The following CHD5 variants were observed in gnomAD, a reference collection of about 807,000 sequenced individuals.
CHD5 encodes the protein ATP-dependent chromatin remodeler CHD5.
In CHD5, 69 loss-of-function variants were observed where a neutral mutation model predicts 230.3. The ratio of observed to expected loss-of-function variants is 0.30; its 90% CI spans 0.25 to 0.37. CHD5 has a LOEUF of 0.37. CHD5 is among the 10% of genes least tolerant of loss of function. The pLI is 1.00. For missense variants in CHD5, 1,827 were observed against 2,622.8 expected (o/e 0.70, Z 6.63); for synonymous variants, 1,064 against 1,065.9 (o/e 1.00, Z 0.03).
chr1:6,108,367 G>C (rs111064359), intron 38 of CHD5, among the ~76,000 whole-genome samples: 2 of 146,758 alleles, frequency 1.4e-5, no homozygotes, highest in African/African-American at 2.5e-5. Context: ...AGGGATGGAG[G>C]AATGGAAGGA....
At chr1:6,150,381 GAT>G (rs1666984568) in intron 7 of CHD5, among the ~76,000 whole-genome samples, 3 of 147,542 alleles carry the variant, frequency 2.0e-5, no homozygotes, top group Admixed American at 6.7e-5. Flanking sequence ...TGGATGGATG[GAT>G]GGATGGATGG....
chr1:6,148,493 C>T (rs918105895), intron 9 of CHD5, among the ~76,000 whole-genome samples: 1 of 152,200 alleles, frequency 6.6e-6, no homozygotes, highest in Non-Finnish European at 1.5e-5. Context: ...AAGGGAGTAA[C>T]ATGCCTGGTG....
rs1308960446 is a variant in CHD5 at position 6,148,841 on chromosome 1, G to A, written c.1383+13C>T. On this transcript the variant is annotated intron_variant, in intron 9 of 41. Transcript: ENST00000262450. ...GGGCGGGGCGTCCGGCGCGGGGCGGGCGGAACACTCACAGTACAGCGCGGG... is the reference window on the plus strand; with the variant it reads ...GGGCGGGGCGTCCGGCGCGGGGCGGACGGAACACTCACAGTACAGCGCGGG... The A allele has an allele frequency of 2.7e-6, 4 of 1,478,488 alleles. No homozygotes were observed. The highest frequency in any genetic ancestry group is 5.2e-5 in the East Asian group (2 of 38,258). The allele number at this position is 1,478,488 out of a possible 1,614,324, so 91.6% of individuals were successfully genotyped here.
chr1:6,137,901 C>T (rs1666768638), intron 15 of CHD5, among the ~76,000 whole-genome samples: 1 of 152,232 alleles, frequency 6.6e-6, no homozygotes, highest in Non-Finnish European at 1.5e-5. Context: ...TGCTCCCCTG[C>T]CCCTGCCTGG....
Position 6,122,068 on chromosome 1 carries a change from T to G in CHD5, c.4700-495A>C, listed in dbSNP as rs115899532. On this transcript the variant is annotated intron_variant, in intron 31 of 41. Transcript: ENST00000262450. ...CCGGGAAAGCGGAGGCCCACAGAGG[T>G]TAGGTGACTTGCCCAAGGTTAGACA... Among the ~76,000 whole-genome samples, 577 of 151,962 alleles carry G rather than the reference T, an allele frequency of 3.8e-3. 8 individuals carry two copies. The highest frequency in any genetic ancestry group is 0.013 in the African/African-American group (551 of 41,426).
chr1:6,108,322 G>A (rs769754766), intron 38 of CHD5, among the ~76,000 whole-genome samples: 4 of 148,848 alleles, frequency 2.7e-5, no homozygotes, highest in Non-Finnish European at 4.5e-5. Flanking sequence ...GAGACGGAGG[G>A]ATGAAGGGAT....
intron 34 of CHD5, among the ~76,000 whole-genome samples, chr1:6,112,594 G>A (rs1450413054): frequency 6.6e-6 from 1 of 152,360 alleles, no homozygotes; most frequent in South Asian, 2.1e-4. Flanking sequence ...GAGGACAACT[G>A]TTCCAGAACA....
intron 5 of CHD5, 41 bp from the exon 6 acceptor site, chr1:6,152,577 T>G (rs771094705): frequency 1.3e-5 from 21 of 1,610,552 alleles, no homozygotes; most frequent in Non-Finnish European, 1.5e-5. Context: ...CTGCCACCAC[T>G]GACGGCCTGC....
chr1:6,150,205 GATGAACCAATGAATGGATA>G (rs1230568899), intron 7 of CHD5, among the ~76,000 whole-genome samples: 22 of 151,182 alleles, frequency 1.5e-4, no homozygotes, highest in African/African-American at 2.4e-5. Context: ...TAGATGGATG[GATGAACCAATGAATGGATA>G]ATGGATGGAC....
chr1:6,143,389 C>T (rs1666860116), intron 13 of CHD5, among the ~76,000 whole-genome samples: 1 of 152,224 alleles, frequency 6.6e-6, no homozygotes, highest in Non-Finnish European at 1.5e-5. Flanking sequence ...TCCCAATGGA[C>T]CAGGCCCATC....
chr1:6,125,529 T>C lies in CHD5; in HGVS notation c.4255A>G (p.Ile1419Val). ...CGGGAACAGACAGGCCCCACCTCGA[T>C]GTTGCCACCAACTCGGGCGAGAAGC... ...PPLLARVGGN[I>V]EVLGFNARQR... is the part of the protein sequence containing the mutation. Residue 1419 changes from isoleucine (I) to valine (V), a missense_variant, in exon 28 of 42, where the codon ATC (isoleucine) becomes GTC (valine). Transcript: ENST00000262450. This position sits in a 1 kb window ranked among gnomAD's most constrained non-coding sequence, Gnocchi z 6.7. 1 of 1,584,732 alleles carries C rather than the reference T, an allele frequency of 6.3e-7. No individual in the cohort carries two copies. Among genetic ancestry groups the C allele is most frequent in the Non-Finnish European group, 8.6e-7 (1 of 1,164,028 alleles).
Position 6,134,694 on chromosome 1 carries a change from G to A in CHD5, c.3012+24C>T, listed in dbSNP as rs759429952. On this transcript the variant is annotated intron_variant, in intron 19 of 41. Transcript: ENST00000262450. The surrounding 1 kb of genome is among the most constrained non-coding windows in gnomAD (Gnocchi z 6.3). ...CTACCATGGCGGTCATGGAGAAGCT[G>A]CCATGATGGCCGGGGAAACCTACCA... The A allele has an allele frequency of 1.2e-6, 2 of 1,613,028 alleles. No homozygotes were observed. Among genetic ancestry groups the A allele is most frequent in the East Asian group, 2.2e-5 (1 of 44,868 alleles).
intron 1 of CHD5, among the ~76,000 whole-genome samples, chr1:6,173,191 G>A (rs1204348919): frequency 4.7e-5 from 7 of 150,298 alleles, no homozygotes; most frequent in South Asian, 2.1e-4. Context: ...TGCAAGCTCC[G>A]CCTCCCAGGT....
chr1:6,173,960 A>C (rs1296175576), intron 1 of CHD5, among the ~76,000 whole-genome samples: 2 of 152,194 alleles, frequency 1.3e-5, no homozygotes, highest in African/African-American at 2.4e-5. Flanking sequence ...ATCAAAAGAA[A>C]GCATCAGTCC....
At chr1:6,137,169 C>T (rs1000588665) in intron 15 of CHD5, among the ~76,000 whole-genome samples, 8 of 152,074 alleles carry the variant, frequency 5.3e-5, no homozygotes, top group East Asian at 1.9e-4. Flanking sequence ...TACAGTGGCA[C>T]GATCACCACT....
rs893416128 is a variant in CHD5, at chr1:6,134,656, C to T, written c.3012+62G>A. 7.9e-6 allele frequency: 12 copies of T among 1,520,184 alleles called. No homozygotes were observed. Among genetic ancestry groups the T allele is most frequent in the Middle Eastern group, 1.7e-4 (1 of 5,750 alleles). 94.2% of individuals were successfully genotyped at this position (1,520,184 alleles called of 1,614,324 possible). A position where few individuals can be genotyped will look rare whatever the true frequency, so the allele number is the denominator to read the frequency against. The stretch of plus-strand genomic sequence containing the variant: ...CAGCGGCCACAGGGACCTACCATGG[C>T]GGCCACAGGCACCTACCATGGCGGT... On this transcript the variant is annotated intron_variant, in intron 19 of 41. Transcript: ENST00000262450. The surrounding 1 kb of genome is among the most constrained non-coding windows in gnomAD (Gnocchi z 6.3).
intron 33 of CHD5, among the ~76,000 whole-genome samples, chr1:6,119,002 TG>T (rs1666420247): frequency 6.6e-6 from 1 of 150,734 alleles, no homozygotes; most frequent in Non-Finnish European, 1.5e-5. Flanking sequence ...CCGACCTGAA[TG>T]GTATACTTTA....
At position 6,152,454 on chromosome 1, in the gene CHD5, G is replaced by A; in HGVS notation, c.828C>T (p.Phe276=). 1.2e-6 allele frequency: 2 copies of A among 1,614,148 alleles called. No individual in the cohort carries two copies. The highest frequency in any genetic ancestry group is 1.1e-5 in the South Asian group (1 of 91,082). The change falls in exon 6 of 42, where the codon TTC becomes TTT. Residue 276 remains phenylalanine (F), a synonymous_variant. Coordinates refer to ENST00000262450, the MANE Select transcript of CHD5 (RefSeq NM_015557.3). ...GKGKKTAGLK[F]RFGGISNKRK... ...TCTTGTTGCTGATCCCCCCGAAGCG[G>A]AACTTGAGCCCGGCCGTCTTTTTCC...
chr1:6,143,852 C>G lies in CHD5; in HGVS notation c.2014G>C (p.Glu672Gln), dbSNP rs1557551296. 2.5e-6 allele frequency: 4 copies of G among 1,598,868 alleles called. No individual in the cohort carries two copies. Among genetic ancestry groups the G allele is most frequent in the Non-Finnish European group, 2.6e-6 (3 of 1,171,940 alleles). ...ACAATGGGCGTGTCCGGCGGCTTCT[C>G]CTGCTTGTCGTCCCTCAGCTTCTTG... ...KGKKLRDDKQEKPPDTPIVDP... is the reference protein window; with the variant it reads ...KGKKLRDDKQQKPPDTPIVDP... The change falls in exon 13 of 42, where the codon GAG becomes CAG. Residue 672 changes from glutamate (E) to glutamine (Q), a missense_variant. Physicochemically the swap from Glu to Gln is conservative, Grantham distance 29. Around this residue, in one of 14 missense-constraint regions of CHD5, gnomAD observed 657 missense variants for 816.4 expected, o/e 0.80. Transcript: ENST00000262450.
Sources: gnomAD v4.1 joint callset for allele counts (sites outside exome capture counted in the v4.1 genomes callset) on GRCh38, gnomAD v4.1.1 for gene constraint, gnomAD v4.1.1 regional missense constraint, Gnocchi (gnomAD v3.1) non-coding constraint, MANE v1.5 for transcripts, NCBI Gene and HGNC (gene_info 2026-07-23, HGNC 2026-07-21) for gene names.